LIN28B: variants seen among roughly 807,000 people sequenced by gnomAD.
LIN28B encodes lin-28 RNA binding posttranscriptional regulator B.
LIN28B carries 5 observed loss-of-function variants against 21.9 expected under a neutral mutation model. That is an observed-to-expected ratio of 0.23 (90% CI 0.12 to 0.48). The LOEUF is 0.48. Among genes scored for constraint, LIN28B ranks in the 20% least tolerant of loss-of-function variants. The pLI is 0.98. For missense variants in LIN28B, 245 were observed against 310.5 expected (o/e 0.79, Z 1.58); for synonymous variants, 109 against 111.3 (o/e 0.98, Z 0.13).
chr6:104,966,888 T>C (rs756717999), intron 2 of LIN28B, among the ~76,000 whole-genome samples: 17 of 152,270 alleles, frequency 1.1e-4, no homozygotes, highest in Non-Finnish European at 2.1e-4. Flanking sequence ...CCCAAAGTGC[T>C]GGGATTACAG....
At chr6:105,077,478 TAC>T (rs1772454509) in intron 3 of LIN28B, among the ~76,000 whole-genome samples, 1 of 152,144 alleles carries the variant, frequency 6.6e-6, no homozygotes, top group African/African-American at 2.4e-5. Flanking sequence ...TGAACAAATA[TAC>T]CTCTGAAAAA....
At chr6:104,948,853 T>C (rs565878702) in intron 2 of LIN28B, among the ~76,000 whole-genome samples, 17 of 152,300 alleles carry the variant, frequency 1.1e-4, no homozygotes, top group Admixed American at 3.9e-4. Flanking sequence ...GGACATCATA[T>C]GTAAGTTTGA....
chr6:105,042,962 G>C (rs1343526434), intron 3 of LIN28B, among the ~76,000 whole-genome samples: 1 of 152,140 alleles, frequency 6.6e-6, no homozygotes, highest in African/African-American at 2.4e-5. Context: ...AACTATCAAA[G>C]CCCAACCCCT....
upstream of LIN28B, among the ~76,000 whole-genome samples, chr6:104,952,882 A>G (rs1018223309): frequency 2.0e-4 from 31 of 152,208 alleles, no homozygotes; most frequent in African/African-American, 7.5e-4. Context: ...GTGTGAAGCC[A>G]GAGCATTTTG....
rs34394074 is a variant in LIN28B, at chr6:104,989,576, G to GTTTTTTTTTTTTTTTT, written c.198+31300_198+31315dup. ...GAAACTTTATTTTTATTTTACTTGGGTTTTTTTTTTTTTTTTTTTTTTTTT... is the reference window on the plus strand; with the variant it reads ...GAAACTTTATTTTTATTTTACTTGGGTTTTTTTTTTTTTTTTTTTTTTTTTTTTTTTTTTTTTTTTT... On this transcript the variant is annotated intron_variant, in intron 2 of 3. Coordinates refer to ENST00000345080, the MANE Select transcript of LIN28B (RefSeq NM_001004317.4). 1.1e-3 allele frequency among the ~76,000 whole-genome samples: 69 copies of GTTTTTTTTTTTTTTTT among 60,606 alleles called. 2 individuals carry two copies. Among genetic ancestry groups the GTTTTTTTTTTTTTTTT allele is most frequent in the East Asian group, 6.3e-3 (8 of 1,270 alleles). 39.8% of individuals were successfully genotyped at this position (60,606 alleles called of 152,430 possible). A position where few individuals can be genotyped will look rare whatever the true frequency, so the allele number is the denominator to read the frequency against.
chr6:105,029,066 C>T (rs1445595200), intron 3 of LIN28B, among the ~76,000 whole-genome samples: 1 of 152,154 alleles, frequency 6.6e-6, no homozygotes, highest in African/African-American at 2.4e-5. Context: ...CGCTTAGCAA[C>T]ACGGAAGTCA....
chr6:105,012,009 T>G (rs1377630423), intron 2 of LIN28B, among the ~76,000 whole-genome samples: 2 of 150,562 alleles, frequency 1.3e-5, no homozygotes, highest in African/African-American at 4.9e-5. Context: ...AATACAAAAA[T>G]TAGCTGGGTG....
chr6:105,054,213 G>T (rs1388284091), intron 3 of LIN28B, among the ~76,000 whole-genome samples: 1 of 152,136 alleles, frequency 6.6e-6, no homozygotes, highest in Non-Finnish European at 1.5e-5. Context: ...TATTGATATG[G>T]TTAGATGCAG....
At chr6:105,013,893 G>C (rs924512028) in intron 2 of LIN28B, among the ~76,000 whole-genome samples, 1 of 152,026 alleles carries the variant, frequency 6.6e-6, no homozygotes, top group East Asian at 1.9e-4. Flanking sequence ...ATGTCTGTGG[G>C]ATTGGTGGTG....
chr6:105,070,079 A>G (rs893699591), intron 3 of LIN28B, among the ~76,000 whole-genome samples: 1 of 152,022 alleles, frequency 6.6e-6, no homozygotes, highest in Non-Finnish European at 1.5e-5. Flanking sequence ...TTTGAACCAC[A>G]TTCCTTATAG....
intron 2 of LIN28B, among the ~76,000 whole-genome samples, chr6:104,984,317 A>G (rs1770288838): frequency 6.6e-6 from 1 of 152,244 alleles, no homozygotes; most frequent in South Asian, 2.1e-4. Flanking sequence ...CAATGTATAA[A>G]TAATAAACAT....
intron 2 of LIN28B, among the ~76,000 whole-genome samples, chr6:104,945,405 C>A (rs1432253419): frequency 2.0e-5 from 3 of 151,892 alleles, no homozygotes; most frequent in African/African-American, 4.8e-5. Flanking sequence ...AAATTTTGAA[C>A]CATTAATAAT....
chr6:105,073,657 T>G (rs891684202), intron 3 of LIN28B, among the ~76,000 whole-genome samples: 4 of 152,220 alleles, frequency 2.6e-5, no homozygotes, highest in Non-Finnish European at 5.9e-5. Context: ...AATGTTCAAG[T>G]ACTGTGAAGA....
intron 2 of LIN28B, among the ~76,000 whole-genome samples, chr6:104,991,534 C>CA (rs924733280): frequency 1.3e-5 from 2 of 150,010 alleles, no homozygotes; most frequent in Non-Finnish European, 3.0e-5. Flanking sequence ...CCAGACTGGG[C>CA]AGCCGGGCAG....
intron 2 of LIN28B, among the ~76,000 whole-genome samples, chr6:105,001,482 G>A (rs2114290848): frequency 6.6e-6 from 1 of 152,302 alleles, no homozygotes; most frequent in East Asian, 1.9e-4. Flanking sequence ...GAGTGCATTT[G>A]GAGACTAATA....
chr6:105,027,715 C>T (rs978346871), intron 3 of LIN28B, among the ~76,000 whole-genome samples: 1 of 151,922 alleles, frequency 6.6e-6, no homozygotes, highest in African/African-American at 2.4e-5. Context: ...TAAAAATATG[C>T]TATATTCATT....
chr6:104,992,005 AGGGAGG>A (rs1211331069), intron 2 of LIN28B, among the ~76,000 whole-genome samples: 1 of 82,756 alleles, frequency 1.2e-5, no homozygotes, highest in Non-Finnish European at 2.3e-5. Context: ...CCGTGGAAAG[AGGGAGG>A]GGGAGGGGGA....
intron 2 of LIN28B, among the ~76,000 whole-genome samples, chr6:105,008,857 G>A (rs1338454291): frequency 6.6e-6 from 1 of 152,062 alleles, no homozygotes. Context: ...AAAACAAAAA[G>A]GAAACCACTT....
At chr6:105,028,461 T>G (rs1008335588) in intron 3 of LIN28B, among the ~76,000 whole-genome samples, 4 of 152,100 alleles carry the variant, frequency 2.6e-5, no homozygotes, top group African/African-American at 9.7e-5. Flanking sequence ...AGTGGTGGTT[T>G]GGACAAGGGT....
Sources: gnomAD v4.1 joint callset for allele counts (sites outside exome capture counted in the v4.1 genomes callset) on GRCh38, gnomAD v4.1.1 for gene constraint, MANE v1.5 for transcripts, NCBI Gene and HGNC (gene_info 2026-07-23, HGNC 2026-07-21) for gene names.